KRTCAP3: variants seen among roughly 807,000 people sequenced by gnomAD.
The protein encoded by KRTCAP3 is keratinocyte associated protein 3.
A neutral mutation model predicts 20.5 loss-of-function variants in KRTCAP3; 18 were observed. The observed-to-expected ratio is 0.88, with a 90% confidence interval of 0.61 to 1.31. The LOEUF (loss-of-function observed/expected upper bound fraction) is 1.31. KRTCAP3 is among the 50% of genes most tolerant of loss of function. The probability of loss-of-function intolerance (pLI) is 0.00; values close to 1 mark genes in which losing one functional copy is unlikely to be tolerated. For missense variants in KRTCAP3, 347 were observed against 310.4 expected (o/e 1.12, Z -0.89); for synonymous variants, 167 against 133.7 (o/e 1.25, Z -1.72).
chr2:27,444,988 T>G, downstream of KRTCAP3: 1 of 1,609,756 alleles, frequency 6.2e-7, no homozygotes, highest in Non-Finnish European at 8.5e-7. Context: ...CTCTCTGCCT[T>G]CATTCTCCAA....
downstream of KRTCAP3, chr2:27,445,702 C>T (rs754536371): frequency 6.2e-7 from 1 of 1,603,754 alleles, no homozygotes; most frequent in Non-Finnish European, 8.5e-7. The surrounding 1 kb of genome is among the most constrained non-coding windows in gnomAD (Gnocchi z 4.4). Context: ...TCAAGGCACT[C>T]ACACTGGTGA....
chr2:27,443,220 GGTACCAC>G lies in KRTCAP3; in HGVS notation c.421_427del (p.Val141TrpfsTer64). ...GCCACCCAGGACTGCTGGATCCTCT[GGTACCAC>G]TGGATGAGGGGCCGGGACATACTGA... On this transcript the variant is annotated frameshift_variant, in exon 4 of 7. Coordinates refer to ENST00000288873, the MANE Select transcript of KRTCAP3 (RefSeq NM_173853.4). LOFTEE classifies it high-confidence loss of function. 6.2e-7 allele frequency: 1 copy of G among 1,614,146 alleles called. No individual in the cohort carries two copies.
At position 27,442,770 on chromosome 2, in the gene KRTCAP3, G is replaced by C; in HGVS notation, c.213+7G>C. On this transcript the variant is annotated splice_region_variant and intron_variant, in intron 2 of 6. Coordinates refer to ENST00000288873, the MANE Select transcript of KRTCAP3 (RefSeq NM_173853.4). ...TGTCGGCTCGGGGCTGCTGGTGAGC[G>C]CGGCAGGCGACCCGGGCGGGGGCCG... is the stretch of plus-strand genomic sequence containing the variant. 6.2e-7 allele frequency: 1 copy of C among 1,610,496 alleles called. No homozygotes were observed. The highest frequency in any genetic ancestry group is 8.5e-7 in the Non-Finnish European group (1 of 1,179,192).
chr2:27,442,739 C>A lies in KRTCAP3; in HGVS notation c.189C>A (p.Val63=). The change falls in exon 2 of 7, where the codon GTC becomes GTA. Residue 63 remains valine, a synonymous_variant. Coordinates refer to ENST00000288873, the MANE Select transcript of KRTCAP3 (RefSeq NM_173853.4). The part of the protein sequence containing the change: ...AVTPEYTVAN[V]ISVGSGLLSV... ...CGCCGGAGTACACCGTAGCCAATGTCATCTCTGTCGGCTCGGGGCTGCTGG... is the reference window on the plus strand; with the variant it reads ...CGCCGGAGTACACCGTAGCCAATGTAATCTCTGTCGGCTCGGGGCTGCTGG... 1.2e-6 allele frequency: 2 copies of A among 1,607,432 alleles called. No individual in the cohort carries two copies. Among genetic ancestry groups the A allele is most frequent in the Non-Finnish European group, 1.7e-6 (2 of 1,176,610 alleles).
chr2:27,445,838 G>A (rs752345187), downstream of KRTCAP3: 9 of 1,613,988 alleles, frequency 5.6e-6, no homozygotes, highest in East Asian at 4.5e-5. The surrounding 1 kb of genome is among the most constrained non-coding windows in gnomAD (Gnocchi z 4.4). Flanking sequence ...TCCCTTCCTC[G>A]ATTGCCTGCA....
chr2:27,445,042 T>C (rs774073874), downstream of KRTCAP3: 3 of 1,614,106 alleles, frequency 1.9e-6, no homozygotes, highest in Non-Finnish European at 1.7e-6. The surrounding 1 kb of genome is among the most constrained non-coding windows in gnomAD (Gnocchi z 4.4). Flanking sequence ...TTTATTCCAG[T>C]TGTCCTTGTT....
chr2:27,445,167 G>A (rs1458478712), downstream of KRTCAP3: 2 of 1,604,938 alleles, frequency 1.2e-6, no homozygotes, highest in African/African-American at 1.3e-5. The surrounding 1 kb of genome is among the most constrained non-coding windows in gnomAD (Gnocchi z 4.4). Context: ...GAAAAATGAG[G>A]AGCAGCCTGG....
downstream of KRTCAP3, chr2:27,444,512 T>C (rs148800421): frequency 6.2e-7 from 1 of 1,613,520 alleles, no homozygotes; most frequent in Non-Finnish European, 8.5e-7. Flanking sequence ...CACACTGGGC[T>C]GTGGGAGGTC....
At chr2:27,444,526 G>A, downstream of KRTCAP3, 1 of 1,611,646 alleles carries the variant, frequency 6.2e-7, no homozygotes, top group Non-Finnish European at 8.5e-7. Context: ...GGAGGTCTGT[G>A]AGCAAATGGA....
At chr2:27,446,165 A>G, downstream of KRTCAP3, 1 of 1,368,622 alleles carries the variant, frequency 7.3e-7, no homozygotes, top group South Asian at 1.2e-5. Context: ...CATCAGCCCT[A>G]CACTCAGCTT....
At chr2:27,443,328 C>A (rs1383570658) in intron 4 of KRTCAP3, 48 bp downstream of exon 4, 1 of 1,613,080 alleles carries the variant, frequency 6.2e-7, no homozygotes, top group Non-Finnish European at 8.5e-7. Flanking sequence ...CTTGGTCCTG[C>A]CCTTTTAATT....
chr2:27,442,686 C>A lies in KRTCAP3; in HGVS notation c.136C>A (p.His46Asn). Residue 46 changes from histidine to asparagine, a missense_variant, in exon 2 of 7, where the codon CAC (histidine) becomes AAC (asparagine). Transcript: ENST00000288873. ...GAVLHGTVLR[H>N]VANPRGAVTP... The stretch of plus-strand genomic sequence containing the variant: ...CGTGCTGCATGGCACCGTCCTGCGG[C>A]ACGTGGCCAATCCCCGCGGCGCTGT... The A allele has an allele frequency of 6.3e-7, 1 of 1,587,260 alleles. No homozygotes were observed. Among genetic ancestry groups the A allele is most frequent in the South Asian group, 1.1e-5 (1 of 87,458 alleles).
intron 5 of KRTCAP3, among the ~76,000 whole-genome samples, chr2:27,443,748 C>T (rs1452619036): frequency 1.3e-5 from 2 of 151,954 alleles, no homozygotes; most frequent in African/African-American, 4.8e-5. Context: ...GGGTGGTGGG[C>T]GCCTGTAATC....
Position 27,443,952 on chromosome 2 carries a change from G to A in KRTCAP3, c.619G>A (p.Glu207Lys). 6.4e-7 allele frequency: 1 copy of A among 1,570,446 alleles called. No homozygotes were observed. Among genetic ancestry groups the A allele is most frequent in the Non-Finnish European group, 8.8e-7 (1 of 1,140,086 alleles). ...CRKDGLQGQL[E>K]EMTELESPKC... The stretch of plus-strand genomic sequence containing the variant: ...CTAACTCTATCTTCTTCTGCAGCTA[G>A]AGGAAATGACAGAGCTTGAATCTCC... The change falls in exon 6 of 7, where the codon GAG (glutamate) becomes AAG (lysine). Residue 207 changes from glutamate (E) to lysine (K), a missense_variant. Physicochemically the swap from Glu to Lys is moderately conservative, Grantham distance 56 (BLOSUM62 1). Coordinates refer to ENST00000288873, the MANE Select transcript of KRTCAP3 (RefSeq NM_173853.4).
downstream of KRTCAP3, chr2:27,444,343 G>A (rs1664836909): frequency 2.5e-6 from 2 of 803,848 alleles, no homozygotes; most frequent in East Asian, 5.3e-5. Flanking sequence ...GTGGTGTTGG[G>A]AATGACTTTG....
chr2:27,445,920 C>T (rs199667794), downstream of KRTCAP3: 309 of 1,614,110 alleles, frequency 1.9e-4, no homozygotes, highest in Admixed American at 8.3e-5. This position sits in a 1 kb window ranked among gnomAD's most constrained non-coding sequence, Gnocchi z 4.4. Context: ...GCACAGCTTC[C>T]CTACTCACAT....
At chr2:27,444,599 G>T, downstream of KRTCAP3, 1 of 1,080,734 alleles carries the variant, frequency 9.3e-7, no homozygotes, top group Non-Finnish European at 1.4e-6. Flanking sequence ...AGGCTTCAGG[G>T]TCTGCATCTG....
At chr2:27,443,651 G>A in intron 5 of KRTCAP3, 119 bp downstream of exon 5, 1 of 1,083,228 alleles carries the variant, frequency 9.2e-7, no homozygotes, top group Admixed American at 2.2e-5. Context: ...GGCTGAGGCA[G>A]GCGGATCACT....
downstream of KRTCAP3, chr2:27,446,385 T>C: frequency 1.9e-6 from 3 of 1,601,902 alleles, no homozygotes; most frequent in Non-Finnish European, 2.6e-6. Flanking sequence ...ATTATGAATA[T>C]GGCACTAAAG....
Sources: gnomAD v4.1 joint callset for allele counts (sites outside exome capture counted in the v4.1 genomes callset) on GRCh38, gnomAD v4.1.1 for gene constraint, Gnocchi (gnomAD v3.1) non-coding constraint, MANE v1.5 for transcripts, NCBI Gene and HGNC (gene_info 2026-07-23, HGNC 2026-07-21) for gene names.